GNG4: variants seen among roughly 807,000 people sequenced by gnomAD.
GNG4 encodes G protein subunit gamma 4.
A neutral mutation model predicts 5.8 loss-of-function variants in GNG4; 4 were observed. The observed-to-expected ratio is 0.69, with a 90% CI of 0.34 to 1.57. The LOEUF is 1.57. Ranked by LOEUF, GNG4 falls within the 40% of genes most tolerant of loss-of-function variation. GNG4 has a pLI of 0.06. For synonymous variants in GNG4, 29 were observed against 32.9 expected (o/e 0.88, Z 0.41); for missense variants, 96 against 95.1 (o/e 1.01, Z -0.04).
chr1:235,627,376 C>G (rs1020655730), intron 1 of GNG4, among the ~76,000 whole-genome samples: 1 of 152,080 alleles, frequency 6.6e-6, no homozygotes, highest in Admixed American at 6.5e-5. Context: ...GTGTCCGCCA[C>G]CATGCCCAGC....
At chr1:235,598,381 G>A (rs955765482) in intron 1 of GNG4, among the ~76,000 whole-genome samples, 4 of 152,154 alleles carry the variant, frequency 2.6e-5, no homozygotes, top group Non-Finnish European at 5.9e-5. Context: ...AATCTGCAGC[G>A]GAGGATTGTT....
At position 235,594,482 on chromosome 1, in the gene GNG4, G is replaced by A. The variant is rs139084043; in HGVS notation, c.-11+918C>T. On this transcript the variant is annotated intron_variant, in intron 2 of 3. Coordinates refer to ENST00000391854, the MANE Select transcript of GNG4 (RefSeq NM_001098722.2). ...ATGGGACTGGGTGCCATGGAGCAGGGGGCGGTGATTGTCCAGGAGGCTCAG... is the reference window on the plus strand; with the variant it reads ...ATGGGACTGGGTGCCATGGAGCAGGAGGCGGTGATTGTCCAGGAGGCTCAG... Among the ~76,000 whole-genome samples, 455 of 152,302 alleles carry A rather than the reference G, an allele frequency of 3.0e-3. 2 individuals are homozygous for A. The highest frequency in any genetic ancestry group is 0.01 in the African/African-American group (422 of 41,564).
At chr1:235,638,503 T>A (rs1399882555) in intron 1 of GNG4, among the ~76,000 whole-genome samples, 1 of 151,914 alleles carries the variant, frequency 6.6e-6, no homozygotes, top group Non-Finnish European at 1.5e-5. Context: ...TTTTTAACAT[T>A]TTACTTTAAG....
intron 2 of GNG4, among the ~76,000 whole-genome samples, chr1:235,592,453 G>A (rs1571901181): frequency 6.6e-6 from 1 of 152,116 alleles, no homozygotes; most frequent in Non-Finnish European, 1.5e-5. Context: ...AGGTTGCAGT[G>A]AGCCAAGATC....
chr1:235,584,706 G>A (rs77282286), intron 2 of GNG4, among the ~76,000 whole-genome samples: 4,661 of 151,980 alleles, frequency 0.031, 238 homozygotes, highest in African/African-American at 0.11. Flanking sequence ...CAATTGCCCC[G>A]TCTAATGAGA....
At position 235,551,906 on chromosome 1, in the gene GNG4, T is replaced by A. The variant is rs1401499465; in HGVS notation, c.*203A>T. The A allele has an allele frequency of 1.9e-5, 9 of 478,752 alleles. No individual in the cohort carries two copies. The highest frequency in any genetic ancestry group is 3.5e-5 in the Non-Finnish European group (9 of 260,758). The allele number at this position is 478,752 out of a possible 1,614,324, so 29.7% of individuals were successfully genotyped here. ...TAAACATTTTGATTTTCTTTGCCAA[T>A]AATGAAAATAACATGAAAATGAAAA... On this transcript the variant is annotated 3_prime_UTR_variant, in exon 4 of 4. Transcript: ENST00000391854.
intron 1 of GNG4, among the ~76,000 whole-genome samples, chr1:235,597,587 G>GCT (rs34928888): frequency 0.45 from 37,322 of 82,988 alleles, 7,807 homozygotes; most frequent in Non-Finnish European, 0.52. Flanking sequence ...TAACTTGTTT[G>GCT]CTGTGTGTGT....
At chr1:235,557,655 G>A (rs1292380154) in intron 3 of GNG4, among the ~76,000 whole-genome samples, 1 of 152,188 alleles carries the variant, frequency 6.6e-6, no homozygotes, top group Non-Finnish European at 1.5e-5. Context: ...TCATGGGCCA[G>A]TTCGACTCTT....
chr1:235,567,268 T>C (rs750769838), intron 3 of GNG4, among the ~76,000 whole-genome samples: 1 of 152,166 alleles, frequency 6.6e-6, no homozygotes, highest in Non-Finnish European at 1.5e-5. Flanking sequence ...TATATGTTTA[T>C]ACAAATATAT....
intron 3 of GNG4, among the ~76,000 whole-genome samples, chr1:235,561,922 A>T (rs538898464): frequency 6.6e-6 from 1 of 152,366 alleles, no homozygotes; most frequent in East Asian, 1.9e-4. Flanking sequence ...GTCATCTTCT[A>T]GAAGTTCTGT....
At chr1:235,584,689 ACAATTG>A (rs5781836) in intron 2 of GNG4, among the ~76,000 whole-genome samples, 61,834 of 151,388 alleles carry the variant, frequency 0.41, 13,444 homozygotes, top group East Asian at 0.79. Flanking sequence ...TACACACATC[ACAATTG>A]CAATTGCCCC....
At chr1:235,635,529 G>C (rs1329867280) in intron 1 of GNG4, among the ~76,000 whole-genome samples, 1 of 33,330 alleles carries the variant, frequency 3.0e-5, no homozygotes, top group Non-Finnish European at 5.5e-5. Flanking sequence ...GATGTATGGA[G>C]GTGGGGCCTG....
chr1:235,560,633 C>T (rs1049764493), intron 3 of GNG4, among the ~76,000 whole-genome samples: 1 of 152,210 alleles, frequency 6.6e-6, no homozygotes, highest in Non-Finnish European at 1.5e-5. Flanking sequence ...ACTTGAGAAA[C>T]AGACACGAAG....
At chr1:235,572,508 C>CT (rs71174442) in intron 3 of GNG4, among the ~76,000 whole-genome samples, 4,731 of 127,358 alleles carry the variant, frequency 0.037, 252 homozygotes, top group African/African-American at 0.12. Context: ...TTTTTTTTTT[C>CT]TTTTTTTTTT....
At chr1:235,626,591 C>T (rs1571920456) in intron 1 of GNG4, among the ~76,000 whole-genome samples, 1 of 152,198 alleles carries the variant, frequency 6.6e-6, no homozygotes, top group South Asian at 2.1e-4. Context: ...TCCAGCCCCA[C>T]CGTCTACTGA....
At chr1:235,583,579 A>G (rs559708663) in intron 3 of GNG4, among the ~76,000 whole-genome samples, 161 bp downstream of exon 3, 2 of 152,336 alleles carry the variant, frequency 1.3e-5, no homozygotes, top group Non-Finnish European at 2.9e-5. Flanking sequence ...GCACACTTAG[A>G]ACTGTGAAGC....
chr1:235,562,686 G>GAAAAAAAA (rs1687099445), intron 3 of GNG4, among the ~76,000 whole-genome samples: 3 of 125,992 alleles, frequency 2.4e-5, no homozygotes, highest in Non-Finnish European at 3.5e-5. Flanking sequence ...AAAAAAAAAA[G>GAAAAAAAA]AAGAAAATTT....
chr1:235,559,362 G>A (rs991614371), intron 3 of GNG4, among the ~76,000 whole-genome samples: 6 of 152,100 alleles, frequency 3.9e-5, no homozygotes, highest in African/African-American at 1.4e-4. Flanking sequence ...TGGGATCCTG[G>A]GGACATTACA....
chr1:235,616,132 C>A, intron 1 of GNG4: 1 of 481,998 alleles, frequency 2.1e-6, no homozygotes, highest in East Asian at 5.9e-5. Context: ...TTCTTCAACC[C>A]CCTTCCGCCT....
Sources: allele counts gnomAD v4.1 joint callset (sites outside exome capture counted in the v4.1 genomes callset), GRCh38; gene constraint gnomAD v4.1.1; transcripts MANE v1.5; gene names NCBI Gene and HGNC (gene_info 2026-07-23, HGNC 2026-07-21).